Variants in PRUNE2 observed in about 807,000 individuals in gnomAD.
PRUNE2 encodes the protein protein prune homolog 2.
A neutral mutation model predicts 252.0 loss-of-function variants in PRUNE2; 164 were observed. That is an observed-to-expected ratio of 0.65 (90% CI 0.57 to 0.74). The LOEUF is 0.74. PRUNE2 is among the 30% of genes least tolerant of loss of function. The pLI is 0.00. For synonymous variants in PRUNE2, 1,292 were observed against 1,350.2 expected, an observed-to-expected ratio of 0.96 and a Z score of 0.94; for missense variants, 3,495 against 3,711.0, an observed-to-expected ratio of 0.94 and a Z score of 1.51.
intron 6 of PRUNE2, among the ~76,000 whole-genome samples, chr9:76,761,535 CA>C (rs145263288): frequency 0.019 from 2,825 of 152,268 alleles, 94 homozygotes; most frequent in African/African-American, 0.061. Context: ...GAACTGGATA[CA>C]ATTTTATCTC....
chr9:76,648,177 G>T (rs954087961), intron 11 of PRUNE2, among the ~76,000 whole-genome samples: 1 of 152,150 alleles, frequency 6.6e-6, no homozygotes, highest in African/African-American at 2.4e-5. Flanking sequence ...ACCAAATGCT[G>T]GTGAGAATGC....
At chr9:76,678,708 A>G (rs1170273740) in intron 9 of PRUNE2, among the ~76,000 whole-genome samples, 2 of 152,190 alleles carry the variant, frequency 1.3e-5, no homozygotes, top group South Asian at 2.1e-4. Context: ...GGGCGCCTGT[A>G]GTCCCAGCTA....
intron 6 of PRUNE2, among the ~76,000 whole-genome samples, chr9:76,788,789 C>G (rs968763988): frequency 6.6e-6 from 1 of 152,144 alleles, no homozygotes; most frequent in African/African-American, 2.4e-5. Flanking sequence ...TAATTCTTGA[C>G]ACCTGGTTAG....
intron 7 of PRUNE2, among the ~76,000 whole-genome samples, chr9:76,711,581 G>A (rs887340927): frequency 6.6e-6 from 1 of 152,162 alleles, no homozygotes. Flanking sequence ...CCAGGTGCTC[G>A]ATTTTGAAGG....
At chr9:76,755,030 T>C (rs1345747440) in intron 6 of PRUNE2, among the ~76,000 whole-genome samples, 2 of 151,362 alleles carry the variant, frequency 1.3e-5, no homozygotes, top group East Asian at 3.9e-4. Flanking sequence ...CTTTTTATGG[T>C]TCCTTATCGC....
chr9:76,824,775 A>C (rs558705885), intron 5 of PRUNE2, among the ~76,000 whole-genome samples: 2 of 152,268 alleles, frequency 1.3e-5, no homozygotes, highest in African/African-American at 4.8e-5. Context: ...ACCTACTTAC[A>C]ATGCTCTGTC....
At chr9:76,752,246 C>T (rs941729939) in intron 6 of PRUNE2, among the ~76,000 whole-genome samples, 3 of 152,028 alleles carry the variant, frequency 2.0e-5, no homozygotes, top group Non-Finnish European at 2.9e-5. Context: ...TACAGGTGCC[C>T]GCCACCACAC....
intron 9 of PRUNE2, among the ~76,000 whole-genome samples, chr9:76,687,459 G>T (rs1271315268): frequency 6.6e-6 from 1 of 152,118 alleles, no homozygotes; most frequent in Non-Finnish European, 1.5e-5. Context: ...TGCTTTTCAG[G>T]GCAATATTGA....
chr9:76,665,214 A>G (rs1160668571), intron 9 of PRUNE2, among the ~76,000 whole-genome samples: 1 of 152,132 alleles, frequency 6.6e-6, no homozygotes, highest in African/African-American at 2.4e-5. Context: ...GGCCCTCTTG[A>G]CCTGGCCCCT....
chr9:76,821,758 T>C (rs149404859), intron 6 of PRUNE2, among the ~76,000 whole-genome samples: 106 of 152,314 alleles, frequency 7.0e-4, no homozygotes, highest in African/African-American at 2.4e-3. Context: ...AAGATTAAGA[T>C]GATTATTTTA....
Position 76,706,002 on chromosome 9 carries a change from G to A in PRUNE2, c.6272C>T (p.Thr2091Met), listed in dbSNP as rs184351514. 5.3e-5 allele frequency: 85 copies of A among 1,614,022 alleles called. No individual in the cohort carries two copies. Among genetic ancestry groups the A allele is most frequent in the African/African-American group, 2.3e-4 (17 of 75,052 alleles). The change falls in exon 8 of 19, where the codon ACG becomes ATG. Residue 2091 changes from threonine to methionine, a missense_variant. Transcript: ENST00000376718. Reference sequence around the variant, plus strand: ...AGAATTGCTGTCATGTTCGCAGTGCGTCAGGATATCAGGATTCTCACCATC... The same window carrying A: ...AGAATTGCTGTCATGTTCGCAGTGCATCAGGATATCAGGATTCTCACCATC... ...KADGENPDIL[T>M]HCEHDSNSQA... is the part of the protein sequence containing the mutation.
At chr9:76,718,868 G>C (rs1244941523) in intron 6 of PRUNE2, among the ~76,000 whole-genome samples, 1 of 152,104 alleles carries the variant, frequency 6.6e-6, no homozygotes, top group African/African-American at 2.4e-5. Flanking sequence ...CGTCTACCCA[G>C]TTATTCGAAC....
intron 4 of PRUNE2, among the ~76,000 whole-genome samples, chr9:76,842,548 C>G (rs1299669294): frequency 1.3e-5 from 2 of 152,134 alleles, no homozygotes; most frequent in Non-Finnish European, 2.9e-5. Context: ...GAACAGGCAA[C>G]CTACAGAGTG....
intron 9 of PRUNE2, among the ~76,000 whole-genome samples, chr9:76,673,167 G>A (rs1206807610): frequency 1.3e-5 from 2 of 151,618 alleles, no homozygotes; most frequent in East Asian, 1.9e-4. Flanking sequence ...CAAGACTAAT[G>A]AAGAAAAAAA....
chr9:76,645,130 A>T (rs1844271638), intron 11 of PRUNE2: 1 of 461,848 alleles, frequency 2.2e-6, no homozygotes, highest in African/African-American at 2.0e-5. Context: ...GTCTTCTTTT[A>T]TTAACTGAAC....
intron 12 of PRUNE2, among the ~76,000 whole-genome samples, chr9:76,640,893 A>C (rs543392183): frequency 5.3e-5 from 8 of 152,362 alleles, no homozygotes; most frequent in Middle Eastern, 3.4e-3. Flanking sequence ...TAAATGTAGC[A>C]ATCTGGCTCC....
chr9:76,854,037 A>G, intron 2 of PRUNE2, 67 bp downstream of exon 2: 1 of 784,966 alleles, frequency 1.3e-6, no homozygotes, highest in Non-Finnish European at 2.1e-6. Flanking sequence ...TGTTTAGAGA[A>G]AATGTTTATT....
At chr9:76,901,737 C>T (rs1455178236) in intron 1 of PRUNE2, among the ~76,000 whole-genome samples, 1 of 152,190 alleles carries the variant, frequency 6.6e-6, no homozygotes, top group Admixed American at 6.5e-5. Flanking sequence ...ACATTCAAGT[C>T]ACCTAGAATT....
intron 12 of PRUNE2, among the ~76,000 whole-genome samples, chr9:76,642,674 G>A (rs919610982): frequency 6.6e-6 from 1 of 152,220 alleles, no homozygotes; most frequent in Non-Finnish European, 1.5e-5. Flanking sequence ...AAACTCAGTA[G>A]GTTGGTAAGT....
Sources: gnomAD v4.1 joint callset for allele counts (sites outside exome capture counted in the v4.1 genomes callset) on GRCh38, gnomAD v4.1.1 for gene constraint, MANE v1.5 for transcripts, NCBI Gene and HGNC (gene_info 2026-07-23, HGNC 2026-07-21) for gene names.